The following NYAP2 variants were observed in gnomAD, a reference collection of about 807,000 sequenced individuals.
NYAP2 encodes the protein neuronal tyrosine-phosphorylated phosphoinositide-3-kinase adaptor 2, also known as neuronal tyrosine-phosphorylated phosphoinositide-3-kinase adapter 2.
NYAP2 carries 23 observed loss-of-function variants against 50.4 expected under a neutral mutation model. The observed-to-expected ratio is 0.46, with a 90% CI of 0.33 to 0.65. The LOEUF (loss-of-function observed/expected upper bound fraction) is 0.65, where lower values mean the gene tolerates loss of function less well. Ranked by LOEUF, NYAP2 falls within the 30% of genes least tolerant of loss-of-function variation. The pLI is 0.02. For synonymous variants in NYAP2, 394 were observed against 365.2 expected, an observed-to-expected ratio of 1.08 and a Z score of -0.90; for missense variants, 885 against 861.0, an observed-to-expected ratio of 1.03 and a Z score of -0.35.
chr2:225,493,101 C>A (rs1002927276), intron 3 of NYAP2, among the ~76,000 whole-genome samples: 1 of 151,928 alleles, frequency 6.6e-6, no homozygotes, highest in Non-Finnish European at 1.5e-5. Flanking sequence ...CCTCCTGCCA[C>A]AGCCCCAACA....
chr2:225,598,884 G>A (rs1054922747), intron 5 of NYAP2, among the ~76,000 whole-genome samples: 1 of 152,218 alleles, frequency 6.6e-6, no homozygotes, highest in Non-Finnish European at 1.5e-5. Context: ...GAAACCTGCA[G>A]CATGAGGCTT....
intron 6 of NYAP2, among the ~76,000 whole-genome samples, chr2:225,630,107 A>T (rs1285427374): frequency 6.6e-6 from 1 of 152,222 alleles, no homozygotes; most frequent in Admixed American, 6.5e-5. Context: ...ATAAAATCCT[A>T]AAAGTCTATG....
At chr2:225,546,282 G>T (rs758865516) in intron 4 of NYAP2, among the ~76,000 whole-genome samples, 2 of 152,082 alleles carry the variant, frequency 1.3e-5, no homozygotes, top group African/African-American at 4.8e-5. Flanking sequence ...GACAAGTTCC[G>T]CTGGGCCCCA....
chr2:225,511,486 C>A (rs988825676), intron 3 of NYAP2, among the ~76,000 whole-genome samples: 8 of 152,040 alleles, frequency 5.3e-5, no homozygotes, highest in Non-Finnish European at 1.2e-4. Flanking sequence ...TCCATTCATG[C>A]TTCTGGATAC....
intron 4 of NYAP2, among the ~76,000 whole-genome samples, chr2:225,569,083 G>A (rs1286728941): frequency 1.3e-5 from 2 of 152,152 alleles, no homozygotes; most frequent in Non-Finnish European, 2.9e-5. Context: ...CTATATGAGG[G>A]ATAGCAAATA....
chr2:225,466,035 C>T (rs1180498822), intron 3 of NYAP2, among the ~76,000 whole-genome samples: 1 of 152,156 alleles, frequency 6.6e-6, no homozygotes, highest in African/African-American at 2.4e-5. Flanking sequence ...ATTTACATTG[C>T]AAATGTAGGC....
chr2:225,518,174 G>A (rs961306903), intron 4 of NYAP2, among the ~76,000 whole-genome samples: 2 of 151,594 alleles, frequency 1.3e-5, no homozygotes, highest in South Asian at 4.2e-4. Context: ...ATACTATTCA[G>A]TCATAAAAAG....
chr2:225,432,696 T>G (rs1466334815), intron 3 of NYAP2, among the ~76,000 whole-genome samples: 1 of 152,128 alleles, frequency 6.6e-6, no homozygotes, highest in African/African-American at 2.4e-5. Context: ...TTGACTTAAG[T>G]AAAGTAAAAG....
At chr2:225,564,766 A>G (rs568373703) in intron 4 of NYAP2, among the ~76,000 whole-genome samples, 1 of 152,230 alleles carries the variant, frequency 6.6e-6, no homozygotes, top group South Asian at 2.1e-4. Flanking sequence ...TATTTTTTTA[A>G]CAATCTAGTC....
downstream of NYAP2, among the ~76,000 whole-genome samples, chr2:225,656,718 G>T (rs1289155669): frequency 2.0e-5 from 3 of 152,168 alleles, no homozygotes; most frequent in Non-Finnish European, 4.4e-5. Flanking sequence ...GGGATGTGGG[G>T]TCAGTACATG....
intron 3 of NYAP2, among the ~76,000 whole-genome samples, chr2:225,419,119 A>G (rs1248362447): frequency 6.6e-6 from 1 of 152,214 alleles, no homozygotes; most frequent in African/African-American, 2.4e-5. Flanking sequence ...AGTCGGCGAT[A>G]CTGATTCTAA....
intron 6 of NYAP2, among the ~76,000 whole-genome samples, chr2:225,629,930 C>T (rs1693279135): frequency 6.6e-6 from 1 of 152,184 alleles, no homozygotes; most frequent in South Asian, 2.1e-4. Context: ...ATATCCAAAT[C>T]ACAGCTGAAG....
rs1491587941 is a variant in NYAP2 at position 225,426,150 on chromosome 2, TTA to T, written c.221+17050_221+17051del. Among the ~76,000 whole-genome samples the T allele has an allele frequency of 2.9e-4, 43 of 150,296 alleles. 1 individual carries two copies. Among genetic ancestry groups the T allele is most frequent in the African/African-American group, 2.5e-5 (1 of 40,278 alleles). On this transcript the variant is annotated intron_variant, in intron 3 of 6. Transcript: ENST00000636099. The stretch of plus-strand genomic sequence containing the variant: ...TTTCTTTCTCTTTTCTTTTTTTTTT[TTA>T]AAAATTCTACTTAATATTTTCACCT...
chr2:225,586,250 G>T lies in NYAP2; in HGVS notation c.1618+3215G>T, dbSNP rs527937340. 4.1e-4 allele frequency among the ~76,000 whole-genome samples: 62 copies of T among 152,264 alleles called. No individual in the cohort carries two copies. The South Asian group carries it at 0.012, about 30-fold the overall frequency. Reference sequence around the variant, plus strand: ...CATGTTTTAAAGGTTTATAATTGTTGATGGGGATTGGTCAATAGAGAAGAA... The same window carrying T: ...CATGTTTTAAAGGTTTATAATTGTTTATGGGGATTGGTCAATAGAGAAGAA... On this transcript the variant is annotated intron_variant, in intron 5 of 6. Coordinates refer to ENST00000636099, the Ensembl canonical transcript of NYAP2.
At chr2:225,632,458 C>T (rs1693337020) in intron 6 of NYAP2, among the ~76,000 whole-genome samples, 1 of 152,128 alleles carries the variant, frequency 6.6e-6, no homozygotes, top group East Asian at 1.9e-4. Context: ...ATTGCTTTAC[C>T]AAAAGTAGTT....
chr2:225,495,944 C>A (rs1690497287), intron 3 of NYAP2, among the ~76,000 whole-genome samples: 1 of 152,174 alleles, frequency 6.6e-6, no homozygotes, highest in Admixed American at 6.5e-5. Context: ...TCTGAATTAA[C>A]TGATCTTGAC....
chr2:225,409,239 C>T lies in NYAP2; in HGVS notation c.221+138C>T, dbSNP rs1694991980. On this transcript the variant is annotated intron_variant, in intron 3 of 6. Coordinates refer to ENST00000636099, the Ensembl canonical transcript of NYAP2. ...CTTGGTGAGAGCATATGAAAGCGAC[C>T]CCTCAACTATAACAAAAACACCACC... 4 of 620,836 alleles carry T rather than the reference C, an allele frequency of 6.4e-6. No homozygotes were observed. In the Admixed American group the frequency reaches 1.2e-4, roughly 19 times the overall value. The allele number at this position is 620,836 out of a possible 1,614,324, so 38.5% of individuals were successfully genotyped here. A position where few individuals can be genotyped will look rare whatever the true frequency, so the allele number is the denominator to read the frequency against.
chr2:225,695,839 A>T, the NYAP2 span, among the ~76,000 whole-genome samples: 1 of 152,096 alleles, frequency 6.6e-6, no homozygotes, highest in East Asian at 1.9e-4. Flanking sequence ...TAAAAAGTGA[A>T]TGCTCATGTC....
chr2:225,476,672 A>G (rs973954954), intron 3 of NYAP2, among the ~76,000 whole-genome samples: 3 of 152,180 alleles, frequency 2.0e-5, no homozygotes, highest in Non-Finnish European at 2.9e-5. Flanking sequence ...ATGGATTTCC[A>G]TTGTGTAAAT....
Sources: gnomAD v4.1 joint callset for allele counts (sites outside exome capture counted in the v4.1 genomes callset) on GRCh38, gnomAD v4.1.1 for gene constraint, MANE v1.5 for transcripts, NCBI Gene and HGNC (gene_info 2026-07-23, HGNC 2026-07-21) for gene names.